Variants in SHPRH observed in about 807,000 individuals in gnomAD.
SHPRH encodes the protein SNF2 histone linker PHD RING helicase.
SHPRH carries 106 observed loss-of-function variants against 202.5 expected under a neutral mutation model. The observed-to-expected ratio is 0.52, with a 90% CI of 0.45 to 0.62. The LOEUF (loss-of-function observed/expected upper bound fraction) is 0.62, where lower values mean the gene tolerates loss of function less well. Among genes scored for constraint, SHPRH ranks in the 20% least tolerant of loss-of-function variants. The pLI is 0.00. For missense variants in SHPRH, 1,710 were observed against 2,020.0 expected, an observed-to-expected ratio of 0.85 and a Z score of 2.94; for synonymous variants, 729 against 686.0, an observed-to-expected ratio of 1.06 and a Z score of -0.98.
intron 14 of SHPRH, among the ~76,000 whole-genome samples, chr6:145,932,365 A>G (rs962166855): frequency 1.3e-5 from 2 of 152,224 alleles, no homozygotes; most frequent in African/African-American, 2.4e-5. Flanking sequence ...AGTTTGTAAG[A>G]TATTAGACCT....
intron 10 of SHPRH, 58 bp from the exon 11 acceptor site, chr6:145,940,859 A>C: frequency 1.3e-6 from 2 of 1,569,618 alleles, no homozygotes. Context: ...GAAAGAACAC[A>C]GAAGTCAGGC....
chr6:145,932,967 C>G, intron 14 of SHPRH, 90 bp downstream of exon 14: 1 of 1,397,876 alleles, frequency 7.2e-7, no homozygotes, highest in Non-Finnish European at 9.7e-7. Context: ...GGAAAAATCC[C>G]CCCCCCAAAA....
In SHPRH at chr6:145,935,927, G is replaced by C. The variant is rs1786016840; in HGVS notation, c.2570-486C>G. On this transcript the variant is annotated intron_variant, in intron 11 of 29. Coordinates refer to ENST00000275233, the MANE Select transcript of SHPRH (RefSeq NM_001042683.3). ...TCTCCTAGAAAAGAAGCCTAAGAGA[G>C]TAATAAAAATATAGATAAGATTTAC... 4 of 152,728 alleles carry C rather than the reference G, an allele frequency of 2.6e-5. No individual in the cohort carries two copies. The South Asian group carries it at 8.2e-4, about 31-fold the overall frequency. The allele number at this position is 152,728 out of a possible 1,614,324, so 9.5% of individuals were successfully genotyped here.
At chr6:145,956,618 A>G (rs1038159145) in intron 1 of SHPRH, among the ~76,000 whole-genome samples, 3 of 152,150 alleles carry the variant, frequency 2.0e-5, no homozygotes, top group Non-Finnish European at 1.5e-5. Flanking sequence ...AGGAAATAAA[A>G]AGCAAAAACA....
At chr6:145,859,157 A>C in the SHPRH span, among the ~76,000 whole-genome samples, 2 of 152,076 alleles carry the variant, frequency 1.3e-5, no homozygotes, top group African/African-American at 4.8e-5. Context: ...TGATCAGATA[A>C]AAACAAAATG....
intron 8 of SHPRH, 62 bp from the exon 9 acceptor site, chr6:145,943,864 G>A: frequency 7.1e-7 from 1 of 1,409,526 alleles, no homozygotes; most frequent in Admixed American, 2.3e-5. Flanking sequence ...TTAAACTCCT[G>A]ACTTTATGTA....
rs1444067953 is a variant in SHPRH at position 145,919,397 on chromosome 6, C to T, written c.4103G>A (p.Arg1368Lys). The T allele has an allele frequency of 3.1e-6, 5 of 1,613,034 alleles. No individual in the cohort carries two copies. The African/African-American group carries it at 6.7e-5, about 22-fold the overall frequency. ...ATERLRVRDP[R>K]EPKPNPPVLH... ...AACAGGCGGATTAGGCTTTGGCTCC[C>T]TAGGATCACGCACTCTTAGTCGTTC... Residue 1368 changes from arginine (R) to lysine (K), a missense_variant, in exon 22 of 30, where the codon AGG becomes AAG. Physicochemically the swap from Arg to Lys is conservative, Grantham distance 26. Around this residue, in one of 8 missense-constraint regions of SHPRH, gnomAD observed 306 missense variants for 479.5 expected, o/e 0.64. Coordinates refer to ENST00000275233, the MANE Select transcript of SHPRH (RefSeq NM_001042683.3).
In SHPRH at chr6:145,955,339, C is replaced by A; in HGVS notation, c.-17G>T. The A allele has an allele frequency of 2.5e-6, 4 of 1,583,428 alleles. No individual in the cohort carries two copies. Among genetic ancestry groups the A allele is most frequent in the Non-Finnish European group, 2.6e-6 (3 of 1,168,332 alleles). ...GCTGCTCATTTTCAAGTTTTCTTGG[C>A]TGGTAACTGTGAACTCTAGAGGACA... On this transcript the variant is annotated 5_prime_UTR_variant, in exon 2 of 30. Coordinates refer to ENST00000275233, the MANE Select transcript of SHPRH (RefSeq NM_001042683.3).
At chr6:145,878,786 A>G (rs2253768) in intron 2 of SHPRH, among the ~76,000 whole-genome samples, 56,481 of 152,030 alleles carry the variant, frequency 0.37, 10,974 homozygotes, top group South Asian at 0.49. Flanking sequence ...AAATGTTAAT[A>G]CAGCCACTTT....
In SHPRH at chr6:145,894,886, G is replaced by A. The variant is rs1190661474; in HGVS notation, c.4607C>T (p.Thr1536Met). 10 of 1,612,152 alleles carry A rather than the reference G, an allele frequency of 6.2e-6. No individual in the cohort carries two copies. Among genetic ancestry groups the A allele is most frequent in the Admixed American group, 3.3e-5 (2 of 59,856 alleles). ...TGAGGATGAAAATGTTGATTATACC[G>A]TTGAGAAAACGAGTGCTTTGGCCCC... ...DPGAKALVFS[T>M]WQDVLDIISK... is the part of the protein sequence containing the mutation. Residue 1536 changes from threonine to methionine, a missense_variant and splice_region_variant, in exon 26 of 30, where the codon ACG (threonine) becomes ATG (methionine). Thr to Met is a moderately conservative substitution (Grantham distance 81). Around this residue, in one of 8 missense-constraint regions of SHPRH, gnomAD observed 306 missense variants for 479.5 expected, o/e 0.64. Coordinates refer to ENST00000275233, the MANE Select transcript of SHPRH (RefSeq NM_001042683.3).
intron 14 of SHPRH, among the ~76,000 whole-genome samples, chr6:145,930,549 TTC>T (rs1785330853): frequency 6.6e-6 from 1 of 152,192 alleles, no homozygotes; most frequent in Admixed American, 6.6e-5. Context: ...CCAGTTTTCC[TTC>T]TGTTATTGGT....
rs774108860 is a variant in SHPRH at position 145,943,730 on chromosome 6, A to G, written c.1651T>C (p.Leu551=). ...TCATCATCAGAGGTGTCTGATGGCA[A>G]GTATTCAGAATCTGTGTCCTTGTTC... is the stretch of plus-strand genomic sequence containing the variant. ...SGNKDTDSEY[L]PSDTSDDDDD... is the part of the protein sequence containing the mutation. Residue 551 remains leucine, a synonymous_variant, in exon 9 of 30, where the codon TTG becomes CTG. Coordinates refer to ENST00000275233, the MANE Select transcript of SHPRH (RefSeq NM_001042683.3). 6.2e-7 allele frequency: 1 copy of G among 1,611,678 alleles called. No homozygotes were observed. The highest frequency in any genetic ancestry group is 8.5e-7 in the Non-Finnish European group (1 of 1,178,588).
chr6:145,945,078 C>T (rs1046490789), intron 8 of SHPRH, among the ~76,000 whole-genome samples: 1 of 151,998 alleles, frequency 6.6e-6, no homozygotes, highest in African/African-American at 2.4e-5. Flanking sequence ...ATAAATAATA[C>T]AGAAGATGCT....
At chr6:145,940,611 T>C in intron 11 of SHPRH, 112 bp downstream of exon 11, 2 of 977,478 alleles carry the variant, frequency 2.0e-6, no homozygotes, top group Non-Finnish European at 3.1e-6. Context: ...TATAAAGACA[T>C]GAATCATCAC....
Position 145,955,339 on chromosome 6 carries a change from C to G in SHPRH, c.-17G>C, listed in dbSNP as rs775617691. On this transcript the variant is annotated 5_prime_UTR_variant, in exon 2 of 30. Coordinates refer to ENST00000275233, the MANE Select transcript of SHPRH (RefSeq NM_001042683.3). ...GCTGCTCATTTTCAAGTTTTCTTGG[C>G]TGGTAACTGTGAACTCTAGAGGACA... is the stretch of plus-strand genomic sequence containing the variant. The G allele has an allele frequency of 7.6e-6, 12 of 1,583,430 alleles. No individual in the cohort carries two copies. The East Asian group carries it at 2.7e-4, about 36-fold the overall frequency.
intron 25 of SHPRH, among the ~76,000 whole-genome samples, chr6:145,899,162 G>C (rs1300397416): frequency 6.6e-6 from 1 of 151,836 alleles, no homozygotes; most frequent in East Asian, 1.9e-4. Flanking sequence ...TTCTGTTACG[G>C]CAACATAAAA....
downstream of SHPRH, chr6:145,862,859 C>T (rs1779630215): frequency 6.6e-6 from 1 of 152,226 alleles, no homozygotes; most frequent in South Asian, 2.1e-4. Context: ...AACCCTCTCA[C>T]ATGCAAGGTA....
chr6:145,943,719 G>A lies in SHPRH; in HGVS notation c.1662C>T (p.Asp554=). 1 of 1,612,740 alleles carries A rather than the reference G, an allele frequency of 6.2e-7. No individual in the cohort carries two copies. Among genetic ancestry groups the A allele is most frequent in the Non-Finnish European group, 8.5e-7 (1 of 1,179,426 alleles). ...KDTDSEYLPS[D]TSDDDDDPYY... is the part of the protein sequence containing the mutation. ...AAGGATCATCATCATCATCAGAGGT[G>A]TCTGATGGCAAGTATTCAGAATCTG... The change falls in exon 9 of 30, where the codon GAC becomes GAT. Residue 554 remains aspartate, a synonymous_variant. Coordinates refer to ENST00000275233, the MANE Select transcript of SHPRH (RefSeq NM_001042683.3).
intron 8 of SHPRH, 68 bp downstream of exon 8, chr6:145,945,313 C>A: frequency 6.9e-7 from 1 of 1,450,112 alleles, no homozygotes; most frequent in Non-Finnish European, 9.1e-7. Flanking sequence ...AAGGTGGGAT[C>A]TGTCAATGTA....
Sources: allele counts gnomAD v4.1 joint callset (sites outside exome capture counted in the v4.1 genomes callset), GRCh38; gene constraint gnomAD v4.1.1; regional missense constraint gnomAD v4.1.1; transcripts MANE v1.5; gene names NCBI Gene and HGNC (gene_info 2026-07-23, HGNC 2026-07-21).